The following NKAIN2 variants were observed in gnomAD, a reference collection of about 807,000 sequenced individuals.
NKAIN2 encodes sodium/potassium-transporting ATPase subunit beta-1-interacting protein 2.
Under a neutral mutation model 32.6 loss-of-function variants are expected in NKAIN2, and 14 were observed. That is an observed-to-expected ratio of 0.43 (90% CI 0.28 to 0.67). The LOEUF is 0.67. Among genes scored for constraint, NKAIN2 ranks in the 30% least tolerant of loss-of-function variants. NKAIN2 has a pLI of 0.17. For missense variants in NKAIN2, 198 were observed against 258.3 expected (o/e 0.77, Z 1.60); for synonymous variants, 80 against 87.2 (o/e 0.92, Z 0.46).
At chr6:124,793,279 G>A (rs1779829041) in intron 5 of NKAIN2, among the ~76,000 whole-genome samples, 1 of 152,142 alleles carries the variant, frequency 6.6e-6, no homozygotes, top group Non-Finnish European at 1.5e-5. Context: ...GTTTGCACAG[G>A]TTGAGTTTGA....
At chr6:124,657,656 G>A (rs919662302) in intron 3 of NKAIN2, among the ~76,000 whole-genome samples, 1 of 151,918 alleles carries the variant, frequency 6.6e-6, no homozygotes, top group Admixed American at 6.6e-5. Context: ...CAGGAAGAGG[G>A]GGAAGCAAGT....
At chr6:123,842,965 C>G (rs574353028) in intron 1 of NKAIN2, among the ~76,000 whole-genome samples, 1 of 152,242 alleles carries the variant, frequency 6.6e-6, no homozygotes, top group South Asian at 2.1e-4. Flanking sequence ...CACTCAAACC[C>G]ATTGTGGGAT....
At chr6:124,124,252 T>C (rs1052118349) in intron 1 of NKAIN2, among the ~76,000 whole-genome samples, 1 of 152,180 alleles carries the variant, frequency 6.6e-6, no homozygotes, top group Non-Finnish European at 1.5e-5. Flanking sequence ...CCTGCAACTG[T>C]CTATCACAAT....
chr6:124,573,417 T>TA (rs772477007), intron 3 of NKAIN2, among the ~76,000 whole-genome samples: 2 of 152,094 alleles, frequency 1.3e-5, no homozygotes, highest in African/African-American at 2.4e-5. Flanking sequence ...CTTCTCACTA[T>TA]TCACTTCTCT....
chr6:123,860,426 T>C (rs374723327), intron 1 of NKAIN2, among the ~76,000 whole-genome samples: 71 of 152,336 alleles, frequency 4.7e-4, no homozygotes, highest in African/African-American at 1.7e-3. Flanking sequence ...ATTATTATTA[T>C]CTGAGACAGG....
chr6:124,418,227 C>T (rs993339221), intron 3 of NKAIN2, among the ~76,000 whole-genome samples: 3 of 151,684 alleles, frequency 2.0e-5, no homozygotes, highest in Non-Finnish European at 2.9e-5. Context: ...ACTCAGGGTA[C>T]TTAAAAGTTC....
chr6:124,702,521 A>G (rs1774847072), intron 4 of NKAIN2, among the ~76,000 whole-genome samples: 1 of 152,040 alleles, frequency 6.6e-6, no homozygotes, highest in South Asian at 2.1e-4. Context: ...GATACATTAC[A>G]GTGTTTAAGT....
chr6:124,177,146 A>C (rs1209841758), intron 1 of NKAIN2, among the ~76,000 whole-genome samples: 3 of 152,182 alleles, frequency 2.0e-5, no homozygotes, highest in Admixed American at 2.0e-4. Flanking sequence ...AAAATGCAAA[A>C]GTATTTTATA....
At chr6:124,509,656 A>C (rs547338769) in intron 3 of NKAIN2, among the ~76,000 whole-genome samples, 36 of 152,224 alleles carry the variant, frequency 2.4e-4, no homozygotes, top group Non-Finnish European at 4.0e-4. Context: ...GTGAGCAAGA[A>C]GCCAAGGTGT....
At chr6:124,545,314 A>T (rs539539874) in intron 3 of NKAIN2, among the ~76,000 whole-genome samples, 2 of 152,290 alleles carry the variant, frequency 1.3e-5, no homozygotes, top group South Asian at 4.1e-4. Context: ...CAATGAAAAA[A>T]ATCATTTGAG....
chr6:123,969,863 C>G (rs1778258279), intron 1 of NKAIN2, among the ~76,000 whole-genome samples: 1 of 151,498 alleles, frequency 6.6e-6, no homozygotes, highest in South Asian at 2.1e-4. Flanking sequence ...GTGTCTGCCG[C>G]AAAAATAACT....
intron 1 of NKAIN2, among the ~76,000 whole-genome samples, chr6:123,938,884 A>G (rs1482158485): frequency 6.6e-6 from 1 of 151,812 alleles, no homozygotes; most frequent in African/African-American, 2.4e-5. Flanking sequence ...TTCTTAAGCA[A>G]CAGTCATTAA....
At chr6:124,277,703 A>G (rs1795102152) in intron 1 of NKAIN2, among the ~76,000 whole-genome samples, 3 of 152,098 alleles carry the variant, frequency 2.0e-5, no homozygotes, top group African/African-American at 7.2e-5. Flanking sequence ...TCTTTCTTCA[A>G]AAACTTGAGA....
At chr6:124,778,424 C>T (rs1302509965) in intron 4 of NKAIN2, among the ~76,000 whole-genome samples, 1 of 150,212 alleles carries the variant, frequency 6.7e-6, no homozygotes, top group Non-Finnish European at 1.5e-5. Flanking sequence ...GACAAATTAT[C>T]AAATTATTTT....
intron 1 of NKAIN2, among the ~76,000 whole-genome samples, chr6:124,280,548 A>C (rs41350249): frequency 0.13 from 20,126 of 152,064 alleles, 1,468 homozygotes; most frequent in East Asian, 0.26. Context: ...GCAAAATGGG[A>C]CAATCCTATT....
At chr6:124,287,780 A>G (rs2114936290) in intron 2 of NKAIN2, among the ~76,000 whole-genome samples, 1 of 152,292 alleles carries the variant, frequency 6.6e-6, no homozygotes, top group African/African-American at 2.4e-5. Context: ...AGTGTTTATA[A>G]GTTAATGATA....
At chr6:124,729,537 T>A (rs1001824209) in intron 4 of NKAIN2, among the ~76,000 whole-genome samples, 1 of 151,414 alleles carries the variant, frequency 6.6e-6, no homozygotes, top group African/African-American at 2.4e-5. Context: ...CTCAATAAAT[T>A]AGGTATTGAT....
chr6:124,078,615 T>G (rs1167197928), intron 1 of NKAIN2, among the ~76,000 whole-genome samples: 1 of 152,162 alleles, frequency 6.6e-6, no homozygotes, highest in Non-Finnish European at 1.5e-5. Context: ...CTGCATCAAA[T>G]AGCAAATTGA....
chr6:124,423,218 A>G (rs925421040), intron 3 of NKAIN2, among the ~76,000 whole-genome samples: 1 of 152,210 alleles, frequency 6.6e-6, no homozygotes, highest in African/African-American at 2.4e-5. Flanking sequence ...TGTCATATGA[A>G]CTATTACTAT....
Sources: allele counts gnomAD v4.1 joint callset (sites outside exome capture counted in the v4.1 genomes callset), GRCh38; gene constraint gnomAD v4.1.1; transcripts MANE v1.5; gene names NCBI Gene and HGNC (gene_info 2026-07-23, HGNC 2026-07-21).